GATAD2B: variants seen among roughly 807,000 people sequenced by gnomAD.
GATAD2B encodes the protein GATA zinc finger domain containing 2B, also known as transcriptional repressor p66-beta.
A neutral mutation model predicts 64.3 loss-of-function variants in GATAD2B; 8 were observed. That is an observed-to-expected ratio of 0.12 (90% confidence interval 0.07 to 0.22). The LOEUF (loss-of-function observed/expected upper bound fraction) is 0.22, where lower values mean the gene tolerates loss of function less well. Among genes scored for constraint, GATAD2B ranks in the 10% least tolerant of loss-of-function variants. The probability of loss-of-function intolerance (pLI) is 1.00; values close to 1 mark genes in which losing one functional copy is unlikely to be tolerated. For missense variants in GATAD2B, 453 were observed against 752.0 expected (o/e 0.60, Z 4.65); for synonymous variants, 281 against 271.3 (o/e 1.04, Z -0.35).
chr1:153,828,483 CACACACACAA>C (rs1674963253), intron 1 of GATAD2B, 135 bp from the exon 2 acceptor site: 1 of 617,880 alleles, frequency 1.6e-6, no homozygotes. Flanking sequence ...CACACACACA[CACACACACAA>C]AGTTCAAAGT....
In GATAD2B at chr1:153,875,650, T is replaced by C. The variant is rs1203332364; in HGVS notation, c.-2+47083A>G. Among the ~76,000 whole-genome samples the C allele has an allele frequency of 2.6e-5, 3 of 115,906 alleles. No individual in the cohort carries two copies. The East Asian group carries it at 7.9e-4, about 30-fold the overall frequency. 76.0% of individuals were successfully genotyped at this position (115,906 alleles called of 152,430 possible). On this transcript the variant is annotated intron_variant, in intron 1 of 10. Transcript: ENST00000368655. ...ATAGTTTGCTGACTCCTGATCTTGA[T>C]ACAGGTCAATAGACCTACCACGAGT...
intron 1 of GATAD2B, among the ~76,000 whole-genome samples, chr1:153,869,214 C>A (rs1676580997): frequency 6.6e-6 from 1 of 151,760 alleles, no homozygotes; most frequent in Non-Finnish European, 1.5e-5. Context: ...ATCACTTGAA[C>A]CCGGGAGGCA....
chr1:153,828,088 C>T lies in GATAD2B; in HGVS notation c.260G>A (p.Gly87Glu), dbSNP rs766652948. ...EKLNGNLRPH[G>E]DNRTAGRPGK... ...TGGCCTTCCAGCAGTCCTGTTGTCTCCATGAGGCCTGAGATTCCCGTTAAG... is the reference window on the plus strand; with the variant it reads ...TGGCCTTCCAGCAGTCCTGTTGTCTTCATGAGGCCTGAGATTCCCGTTAAG... Residue 87 changes from glycine (G) to glutamate (E), a missense_variant, in exon 2 of 11, where the codon GGA becomes GAA. This residue lies in a region of GATAD2B where 293 missense variants were observed against 417.2 expected (regional missense o/e 0.70). Coordinates refer to ENST00000368655, the MANE Select transcript of GATAD2B (RefSeq NM_020699.4). 2 of 1,614,164 alleles carry T rather than the reference C, an allele frequency of 1.2e-6. No homozygotes were observed. Among genetic ancestry groups the T allele is most frequent in the South Asian group, 1.1e-5 (1 of 91,080 alleles).
At chr1:153,847,651 C>G (rs755557087) in intron 1 of GATAD2B, among the ~76,000 whole-genome samples, 1 of 151,760 alleles carries the variant, frequency 6.6e-6, no homozygotes, top group African/African-American at 2.4e-5. Flanking sequence ...CTTGAAGATT[C>G]ATATACTTAG....
intron 1 of GATAD2B, among the ~76,000 whole-genome samples, chr1:153,838,335 T>C (rs1675348138): frequency 6.6e-6 from 1 of 152,226 alleles, no homozygotes; most frequent in South Asian, 2.1e-4. Flanking sequence ...TTTTCCAGAA[T>C]TTCATTCCAA....
intron 1 of GATAD2B, among the ~76,000 whole-genome samples, chr1:153,870,795 A>C (rs1676639918): frequency 6.6e-6 from 1 of 152,198 alleles, no homozygotes; most frequent in Non-Finnish European, 1.5e-5. Context: ...CCCAAAATCC[A>C]AAAAAATCCA....
intron 1 of GATAD2B, among the ~76,000 whole-genome samples, chr1:153,898,243 C>G (rs764770019): frequency 6.9e-6 from 1 of 145,794 alleles, no homozygotes; most frequent in Non-Finnish European, 1.5e-5. Flanking sequence ...AAAGTTCAAG[C>G]CTGTAGTGAG....
At chr1:153,883,209 T>C (rs939897365) in intron 1 of GATAD2B, among the ~76,000 whole-genome samples, 1 of 152,134 alleles carries the variant, frequency 6.6e-6, no homozygotes, top group Non-Finnish European at 1.5e-5. Flanking sequence ...TGGAGAAAAA[T>C]AATCTTCACC....
intron 2 of GATAD2B, among the ~76,000 whole-genome samples, chr1:153,822,589 T>C (rs1411338360): frequency 6.6e-6 from 1 of 152,172 alleles, no homozygotes; most frequent in African/African-American, 2.4e-5. Context: ...CTCGGCGCAC[T>C]GCAACCTCCT....
chr1:153,850,443 G>A (rs2101909870), intron 1 of GATAD2B, among the ~76,000 whole-genome samples: 1 of 152,144 alleles, frequency 6.6e-6, no homozygotes, highest in Non-Finnish European at 1.5e-5. Flanking sequence ...GGGATTACAG[G>A]CATCCGCCAC....
At chr1:153,847,870 A>C (rs1675743602) in intron 1 of GATAD2B, among the ~76,000 whole-genome samples, 1 of 151,968 alleles carries the variant, frequency 6.6e-6, no homozygotes, top group South Asian at 2.1e-4. Context: ...ACTGTGTTGG[A>C]TATACTGTTT....
In GATAD2B at chr1:153,819,523, A is replaced by G. The variant is rs530529950; in HGVS notation, c.465+83T>C. 132 of 1,047,014 alleles carry G rather than the reference A, an allele frequency of 1.3e-4. No homozygotes were observed. In the East Asian group the frequency reaches 3.2e-3, roughly 25 times the overall value. 64.9% of individuals were successfully genotyped at this position (1,047,014 alleles called of 1,614,324 possible). A position where few individuals can be genotyped will look rare whatever the true frequency, so the allele number is the denominator to read the frequency against. On this transcript the variant is annotated intron_variant, in intron 3 of 10. Coordinates refer to ENST00000368655, the MANE Select transcript of GATAD2B (RefSeq NM_020699.4). ...ATTTATATCCAAAGAGTAAATAGTC[A>G]AAAAACAGAACTAAATCTCTTGAGG...
chr1:153,852,585 T>C (rs755904811), intron 1 of GATAD2B: 6 of 776,486 alleles, frequency 7.7e-6, no homozygotes, highest in African/African-American at 3.4e-5. Flanking sequence ...CTGAGCATCC[T>C]GAATTTTCTG....
chr1:153,816,480 G>C lies in GATAD2B; in HGVS notation c.1009C>G (p.Pro337Ala). 3 of 1,614,048 alleles carry C rather than the reference G, an allele frequency of 1.9e-6. No individual in the cohort carries two copies. Among genetic ancestry groups the C allele is most frequent in the Non-Finnish European group, 2.5e-6 (3 of 1,179,854 alleles). Reference protein sequence around the residue: ...GTVNRVSSPLPSPSAMTDAAN... With the variant: ...GTVNRVSSPLASPSAMTDAAN... ...GCATCAGTCATGGCGCTGGGGCTAG[G>C]AAGTGGCGAGGACACTCTGTTCACC... The change falls in exon 7 of 11, where the codon CCT becomes GCT. Residue 337 changes from proline (P) to alanine (A), a missense_variant. Physicochemically the swap from Pro to Ala is conservative, Grantham distance 27. Coordinates refer to ENST00000368655, the MANE Select transcript of GATAD2B (RefSeq NM_020699.4). The surrounding 1 kb of genome is among the most constrained non-coding windows in gnomAD (Gnocchi z 4.9).
In GATAD2B at chr1:153,828,020, T is replaced by C. The variant is rs1182196256; in HGVS notation, c.328A>G (p.Arg110Gly). The C allele has an allele frequency of 6.2e-7, 1 of 1,613,508 alleles. No individual in the cohort carries two copies. The highest frequency in any genetic ancestry group is 8.5e-7 in the Non-Finnish European group (1 of 1,179,446). ...INDEPVDMSA[R>G]RSEPERGRLT... ...AGCTGAACTGAGCCATACCTCCGTC[T>C]AGCACTCATATCCACAGGCTCATCA... The change falls in exon 2 of 11, where the codon AGA (arginine) becomes GGA (glycine). Residue 110 changes from arginine (R) to glycine (G), a missense_variant. By Grantham distance (125) the Arg-to-Gly change is moderately radical. Around this residue, in one of 2 missense-constraint regions of GATAD2B, gnomAD observed 293 missense variants for 417.2 expected, o/e 0.70. Coordinates refer to ENST00000368655, the MANE Select transcript of GATAD2B (RefSeq NM_020699.4).
intron 1 of GATAD2B, among the ~76,000 whole-genome samples, chr1:153,908,433 A>G (rs1312516985): frequency 6.6e-6 from 1 of 152,160 alleles, no homozygotes; most frequent in Non-Finnish European, 1.5e-5. Context: ...AACTAACTAA[A>G]CGGTGGAGCA....
At chr1:153,840,295 A>G (rs1369439927) in intron 1 of GATAD2B, among the ~76,000 whole-genome samples, 2 of 150,830 alleles carry the variant, frequency 1.3e-5, no homozygotes, top group African/African-American at 2.4e-5. Flanking sequence ...TCGGCCTCCC[A>G]AAGTGCTGGG....
intron 1 of GATAD2B, among the ~76,000 whole-genome samples, chr1:153,906,107 C>T (rs1489997489): frequency 6.7e-6 from 1 of 149,904 alleles, no homozygotes; most frequent in Non-Finnish European, 1.5e-5. Flanking sequence ...ACCCCACACA[C>T]ACACACACAA....
At chr1:153,825,287 G>A (rs1674832395) in intron 2 of GATAD2B, among the ~76,000 whole-genome samples, 1 of 152,128 alleles carries the variant, frequency 6.6e-6, no homozygotes, top group Non-Finnish European at 1.5e-5. Context: ...TCCTTTTCTT[G>A]CAAACAATCT....
Sources: gnomAD v4.1 joint callset for allele counts (sites outside exome capture counted in the v4.1 genomes callset) on GRCh38, gnomAD v4.1.1 for gene constraint, gnomAD v4.1.1 regional missense constraint, Gnocchi (gnomAD v3.1) non-coding constraint, MANE v1.5 for transcripts, NCBI Gene and HGNC (gene_info 2026-07-23, HGNC 2026-07-21) for gene names.